The following DCBLD2 variants were observed in gnomAD, a reference collection of about 807,000 sequenced individuals.
DCBLD2 encodes the protein discoidin, CUB and LCCL domain-containing protein 2.
DCBLD2 carries 54 observed loss-of-function variants against 86.8 expected under a neutral mutation model. The ratio of observed to expected loss-of-function variants is 0.62; its 90% CI spans 0.50 to 0.78. The LOEUF (loss-of-function observed/expected upper bound fraction) is 0.78, where lower values mean the gene tolerates loss of function less well. DCBLD2 is among the 30% of genes least tolerant of loss of function. The pLI is 0.00. For synonymous variants in DCBLD2, 354 were observed against 341.3 expected (o/e 1.04, Z -0.41); for missense variants, 908 against 954.2 (o/e 0.95, Z 0.64).
intron 13 of DCBLD2, among the ~76,000 whole-genome samples, chr3:98,807,723 A>G (rs988937378): frequency 2.6e-5 from 4 of 152,200 alleles, no homozygotes; most frequent in East Asian, 3.8e-4. Flanking sequence ...CTCATGGTTC[A>G]TAACTCATCA....
intron 13 of DCBLD2, among the ~76,000 whole-genome samples, chr3:98,805,808 C>T (rs1170189380): frequency 1.3e-5 from 2 of 152,162 alleles, no homozygotes; most frequent in South Asian, 4.1e-4. Context: ...CTGACTTCTG[C>T]CCTCTCAACA....
Position 98,822,658 on chromosome 3 carries a change from A to G in DCBLD2, c.696+11T>C, listed in dbSNP as rs1942145469. 3.2e-6 allele frequency: 5 copies of G among 1,564,030 alleles called. No homozygotes were observed. The highest frequency in any genetic ancestry group is 4.3e-6 in the Non-Finnish European group (5 of 1,156,096). Reference sequence around the variant, plus strand: ...TATCACAATTTTCAAATAAGTTTATATCTGGCTTACATCTCTATATCCATG... The same window carrying G: ...TATCACAATTTTCAAATAAGTTTATGTCTGGCTTACATCTCTATATCCATG... On this transcript the variant is annotated intron_variant, in intron 5 of 15. Transcript: ENST00000326840.
At chr3:98,891,806 T>A (rs1420929061) in intron 1 of DCBLD2, among the ~76,000 whole-genome samples, 1 of 152,160 alleles carries the variant, frequency 6.6e-6, no homozygotes, top group Non-Finnish European at 1.5e-5. Context: ...CTCCTCCTTT[T>A]ATCCACCTAG....
intron 7 of DCBLD2, 68 bp from the exon 8 acceptor site, chr3:98,819,485 T>C: frequency 6.6e-7 from 1 of 1,522,888 alleles, no homozygotes; most frequent in Non-Finnish European, 9.0e-7. Context: ...ACCTGCTCAC[T>C]GAAAACTTTC....
At position 98,799,004 on chromosome 3, in the gene DCBLD2, T is replaced by G; in HGVS notation, c.*368A>C. 1 of 185,150 alleles carries G rather than the reference T, an allele frequency of 5.4e-6. No individual in the cohort carries two copies. The highest frequency in any genetic ancestry group is 1.1e-5 in the Non-Finnish European group (1 of 88,536). 11.5% of individuals were successfully genotyped at this position (185,150 alleles called of 1,614,324 possible). On this transcript the variant is annotated 3_prime_UTR_variant, in exon 16 of 16. Transcript: ENST00000326840. ...GGTATTTCAAGAACAGTACCGTGCGTTATTGCCAGTCAGGCTTACAGAGCC... is the reference window on the plus strand; with the variant it reads ...GGTATTTCAAGAACAGTACCGTGCGGTATTGCCAGTCAGGCTTACAGAGCC...
chr3:98,818,936 G>A (rs1008412124), intron 8 of DCBLD2, among the ~76,000 whole-genome samples: 24 of 152,088 alleles, frequency 1.6e-4, no homozygotes, highest in African/African-American at 4.8e-4. Flanking sequence ...CATGTGAGTC[G>A]ATACACCTTA....
chr3:98,898,593 T>A (rs1338497417), intron 1 of DCBLD2, among the ~76,000 whole-genome samples: 1 of 152,150 alleles, frequency 6.6e-6, no homozygotes, highest in Non-Finnish European at 1.5e-5. Flanking sequence ...AGACTTCTTA[T>A]AGAGTAAAAA....
intron 3 of DCBLD2, among the ~76,000 whole-genome samples, chr3:98,839,199 CCTTCCTT>C (rs1942572368): frequency 6.9e-6 from 1 of 144,268 alleles, no homozygotes; most frequent in Non-Finnish European, 1.5e-5. Flanking sequence ...TTCCTTCCTT[CCTTCCTT>C]CTTTCTTTCC....
chr3:98,888,136 C>T (rs1401896154), intron 1 of DCBLD2, among the ~76,000 whole-genome samples: 1 of 151,924 alleles, frequency 6.6e-6, no homozygotes, highest in Non-Finnish European at 1.5e-5. Flanking sequence ...TAAATTTCCT[C>T]CATGGTTTTT....
At chr3:98,830,508 GTTTATT>G (rs959997075) in intron 3 of DCBLD2, among the ~76,000 whole-genome samples, 45 of 152,152 alleles carry the variant, frequency 3.0e-4, no homozygotes, top group African/African-American at 1.0e-3. Context: ...TTTCTACATT[GTTTATT>G]TTTGTTAGCT....
At chr3:98,897,592 A>C (rs1473507497) in intron 1 of DCBLD2, among the ~76,000 whole-genome samples, 1 of 152,176 alleles carries the variant, frequency 6.6e-6, no homozygotes. Context: ...TCACAAGCAA[A>C]TAAAGGCATT....
chr3:98,880,903 G>C (rs1943457110), intron 2 of DCBLD2, among the ~76,000 whole-genome samples: 3 of 152,028 alleles, frequency 2.0e-5, no homozygotes, highest in African/African-American at 7.2e-5. Flanking sequence ...AATTATACTT[G>C]TATTCTTCAA....
intron 2 of DCBLD2, among the ~76,000 whole-genome samples, chr3:98,851,466 T>C (rs968266894): frequency 6.6e-6 from 1 of 152,196 alleles, no homozygotes; most frequent in African/African-American, 2.4e-5. Flanking sequence ...AAACATTCCA[T>C]GCTCGTGGAT....
chr3:98,801,765 C>T (rs1941724886), intron 13 of DCBLD2, 116 bp from the exon 14 acceptor site: 4 of 679,736 alleles, frequency 5.9e-6, no homozygotes, highest in Admixed American at 3.0e-5. Context: ...TCCAAGTGTT[C>T]TCATTGTTCA....
intron 13 of DCBLD2, chr3:98,804,861 A>C (rs1032018549): frequency 2.9e-4 from 44 of 152,250 alleles, no homozygotes; most frequent in African/African-American, 1.1e-3. Flanking sequence ...GTTTTGAGTG[A>C]GTTTCTTAAT....
At chr3:98,887,426 C>T (rs1943583019) in intron 1 of DCBLD2, among the ~76,000 whole-genome samples, 1 of 151,928 alleles carries the variant, frequency 6.6e-6, no homozygotes, top group Admixed American at 6.6e-5. Context: ...CTATATCAAC[C>T]TTGTAATTGT....
At chr3:98,895,953 C>G (rs978113130) in intron 1 of DCBLD2, among the ~76,000 whole-genome samples, 6 of 152,124 alleles carry the variant, frequency 3.9e-5, no homozygotes, top group Admixed American at 3.3e-4. Context: ...GTGCCAATAC[C>G]TTCTCTTTGA....
intron 2 of DCBLD2, among the ~76,000 whole-genome samples, chr3:98,880,884 C>T (rs1943456659): frequency 6.6e-6 from 1 of 152,136 alleles, no homozygotes; most frequent in Non-Finnish European, 1.5e-5. Flanking sequence ...ATACTGTCTC[C>T]TAAGCATTAA....
rs1381451883 is a variant in DCBLD2 at position 98,853,978 on chromosome 3, G to A, written c.434-4380C>T. ...AGTCCTAATTTACAAACTTATTTACGAACAGGTTTTTTTTTTCTTTTTTTA... is the reference window on the plus strand; with the variant it reads ...AGTCCTAATTTACAAACTTATTTACAAACAGGTTTTTTTTTTCTTTTTTTA... On this transcript the variant is annotated intron_variant, in intron 2 of 15. Transcript: ENST00000326840. 2.2e-5 allele frequency among the ~76,000 whole-genome samples: 3 copies of A among 139,072 alleles called. No individual in the cohort carries two copies. In the Admixed American group the frequency reaches 2.3e-4, roughly 11 times the overall value. The allele number at this position is 139,072 out of a possible 152,430, so 91.2% of individuals were successfully genotyped here. A position where few individuals can be genotyped will look rare whatever the true frequency, so the allele number is the denominator to read the frequency against.
Sources: gnomAD v4.1 joint callset for allele counts (sites outside exome capture counted in the v4.1 genomes callset) on GRCh38, gnomAD v4.1.1 for gene constraint, MANE v1.5 for transcripts, NCBI Gene and HGNC (gene_info 2026-07-23, HGNC 2026-07-21) for gene names.